PDE3A: variants seen among roughly 807,000 people sequenced by gnomAD.
PDE3A encodes the protein phosphodiesterase 3A, also known as cGMP-inhibited 3',5'-cyclic phosphodiesterase 3A.
A neutral mutation model predicts 98.3 loss-of-function variants in PDE3A; 43 were observed. That is an observed-to-expected ratio of 0.44 (90% confidence interval 0.34 to 0.56). The LOEUF (loss-of-function observed/expected upper bound fraction) is 0.56, where lower values mean the gene tolerates loss of function less well. PDE3A is among the 20% of genes least tolerant of loss of function. The pLI is 0.01. For missense variants in PDE3A, 1,427 were observed against 1,440.7 expected, an observed-to-expected ratio of 0.99 and a Z score of 0.15; for synonymous variants, 663 against 567.9, an observed-to-expected ratio of 1.17 and a Z score of -2.38.
intron 1 of PDE3A, among the ~76,000 whole-genome samples, chr12:20,469,948 C>T (rs1055283409): frequency 6.6e-6 from 1 of 152,174 alleles, no homozygotes; most frequent in East Asian, 1.9e-4. Flanking sequence ...TATGGACTTT[C>T]AGGAAACTCT....
At chr12:20,586,073 G>A (rs2121359700) in intron 2 of PDE3A, among the ~76,000 whole-genome samples, 1 of 152,324 alleles carries the variant, frequency 6.6e-6, no homozygotes, top group Admixed American at 6.5e-5. Flanking sequence ...GGTAATAGCT[G>A]GAGTAAACCT....
intron 1 of PDE3A, among the ~76,000 whole-genome samples, chr12:20,427,286 G>A (rs61912867): frequency 0.17 from 26,213 of 152,066 alleles, 2,601 homozygotes; most frequent in Admixed American, 0.26. Flanking sequence ...GAAATGTTGC[G>A]TGCTTTTGAA....
At chr12:20,607,623 G>C in intron 2 of PDE3A, among the ~76,000 whole-genome samples, 1 of 151,866 alleles carries the variant, frequency 6.6e-6, no homozygotes, top group East Asian at 1.9e-4. Flanking sequence ...TAGTGTCTAG[G>C]GAAATACACT....
chr12:20,386,144 T>TATATATAA lies in PDE3A; in HGVS notation c.960+15907_960+15908insAATATATA, dbSNP rs1943785786. Among the ~76,000 whole-genome samples the TATATATAA allele has an allele frequency of 1.5e-3, 40 of 26,518 alleles. 1 individual carries two copies. Among genetic ancestry groups the TATATATAA allele is most frequent in the Non-Finnish European group, 2.1e-3 (31 of 15,004 alleles). The allele number at this position is 26,518 out of a possible 152,430, so 17.4% of individuals were successfully genotyped here. A position where few individuals can be genotyped will look rare whatever the true frequency, so the allele number is the denominator to read the frequency against. ...ATAAATATATATAAATATATATAAA[T>TATATATAA]ATATATATAAATATATATAAATATA... On this transcript the variant is annotated intron_variant, in intron 1 of 15. Coordinates refer to ENST00000359062, the MANE Select transcript of PDE3A (RefSeq NM_000921.5).
chr12:20,443,315 C>T lies in PDE3A; in HGVS notation c.960+73071C>T, dbSNP rs527324013. ...AAACTGTACCACTGTATTCCTAACTCCTAACTTGGATATAGGAGCTTGACT... is the reference window on the plus strand; with the variant it reads ...AAACTGTACCACTGTATTCCTAACTTCTAACTTGGATATAGGAGCTTGACT... On this transcript the variant is annotated intron_variant, in intron 1 of 15. Coordinates refer to ENST00000359062, the MANE Select transcript of PDE3A (RefSeq NM_000921.5). Among the ~76,000 whole-genome samples, 3 of 152,196 alleles carry T rather than the reference C, an allele frequency of 2.0e-5. No homozygotes were observed. In the South Asian group the frequency reaches 6.2e-4, roughly 32 times the overall value.
intron 2 of PDE3A, among the ~76,000 whole-genome samples, chr12:20,613,236 G>A (rs1943913496): frequency 6.6e-6 from 1 of 152,080 alleles, no homozygotes; most frequent in African/African-American, 2.4e-5. Context: ...CCAAGTTCTA[G>A]CATTAAAAAA....
At chr12:20,462,251 G>A (rs1242996551) in intron 1 of PDE3A, among the ~76,000 whole-genome samples, 3 of 152,158 alleles carry the variant, frequency 2.0e-5, no homozygotes, top group Non-Finnish European at 4.4e-5. Context: ...AGCACTTTGG[G>A]AGGCTAAGAT....
chr12:20,376,739 AT>A (rs1010487709), intron 1 of PDE3A, among the ~76,000 whole-genome samples: 1 of 151,824 alleles, frequency 6.6e-6, no homozygotes, highest in Non-Finnish European at 1.5e-5. Flanking sequence ...ACAGCTGGTA[AT>A]TTTTTTCACC....
At chr12:20,385,999 T>A (rs868827834) in intron 1 of PDE3A, among the ~76,000 whole-genome samples, 161 of 103,714 alleles carry the variant, frequency 1.6e-3, no homozygotes, top group African/African-American at 6.7e-3. Context: ...ATATAAAATA[T>A]ATATATAAAT....
intron 1 of PDE3A, among the ~76,000 whole-genome samples, chr12:20,547,430 A>G (rs1291401312): frequency 2.0e-5 from 3 of 152,206 alleles, no homozygotes; most frequent in Non-Finnish European, 2.9e-5. Context: ...ATATGCATAC[A>G]ATACATATTT....
At chr12:20,400,559 A>G (rs11045219) in intron 1 of PDE3A, among the ~76,000 whole-genome samples, 3 of 151,598 alleles carry the variant, frequency 2.0e-5, no homozygotes, top group Admixed American at 2.0e-4. Context: ...GGCGCCCGCC[A>G]CTGCGCCCGT....
intron 1 of PDE3A, among the ~76,000 whole-genome samples, chr12:20,534,242 G>A (rs775001062): frequency 6.6e-6 from 1 of 152,076 alleles, no homozygotes; most frequent in Non-Finnish European, 1.5e-5. Flanking sequence ...TCAGCTTTTC[G>A]TCTCTCTTAC....
At chr12:20,521,069 T>C (rs1038100982) in intron 1 of PDE3A, among the ~76,000 whole-genome samples, 2 of 152,152 alleles carry the variant, frequency 1.3e-5, no homozygotes, top group Admixed American at 1.3e-4. Context: ...CCATTCGTTT[T>C]ATTTGTTGTA....
chr12:20,608,509 A>T (rs1943768999), intron 2 of PDE3A, among the ~76,000 whole-genome samples: 1 of 152,180 alleles, frequency 6.6e-6, no homozygotes, highest in African/African-American at 2.4e-5. Context: ...CAAAAGCTAC[A>T]GCATAATAGT....
rs150322416 is a variant in PDE3A, at chr12:20,489,203, C to T, written c.961-67457C>T. On this transcript the variant is annotated intron_variant, in intron 1 of 15. Transcript: ENST00000359062. ...CATTTCTTTCCTTCATTAAGGACTT[C>T]GTATTTTATTTTCATTTGCGTGCAT... is the stretch of plus-strand genomic sequence containing the variant. Among the ~76,000 whole-genome samples the T allele has an allele frequency of 3.4e-3, 514 of 152,246 alleles. 3 individuals carry two copies. Among genetic ancestry groups the T allele is most frequent in the African/African-American group, 0.012 (484 of 41,560 alleles).
intron 2 of PDE3A, among the ~76,000 whole-genome samples, chr12:20,565,122 G>C (rs1213859378): frequency 6.6e-6 from 1 of 152,042 alleles, no homozygotes; most frequent in African/African-American, 2.4e-5. Context: ...CTTTCCCCCA[G>C]ATAGCTTATA....
chr12:20,459,913 C>T (rs1173731851), intron 1 of PDE3A, among the ~76,000 whole-genome samples: 1 of 152,176 alleles, frequency 6.6e-6, no homozygotes, highest in African/African-American at 2.4e-5. Flanking sequence ...CCACCCAAGG[C>T]TGGAGGCCAT....
At chr12:20,558,705 A>ATAAT (rs1223031413) in intron 2 of PDE3A, among the ~76,000 whole-genome samples, 1 of 150,830 alleles carries the variant, frequency 6.6e-6, no homozygotes, top group Admixed American at 6.6e-5. Context: ...AATAATAATA[A>ATAAT]TAATAATAAT....
At chr12:20,558,839 A>G (rs1942438653) in intron 2 of PDE3A, among the ~76,000 whole-genome samples, 1 of 152,122 alleles carries the variant, frequency 6.6e-6, no homozygotes, top group African/African-American at 2.4e-5. Flanking sequence ...TTGCACTTGA[A>G]CACAGACCTC....
Sources: gnomAD v4.1 joint callset for allele counts (sites outside exome capture counted in the v4.1 genomes callset) on GRCh38, gnomAD v4.1.1 for gene constraint, MANE v1.5 for transcripts, NCBI Gene and HGNC (gene_info 2026-07-23, HGNC 2026-07-21) for gene names.